The following LARGE1 variants were observed in gnomAD, a reference collection of about 807,000 sequenced individuals.
The protein encoded by LARGE1 is xylosyl- and glucuronyltransferase LARGE1.
LARGE1 carries 43 observed loss-of-function variants against 87.6 expected under a neutral mutation model. The ratio of observed to expected loss-of-function variants is 0.49; its 90% CI spans 0.38 to 0.63. The LOEUF (loss-of-function observed/expected upper bound fraction) is 0.63, where lower values mean the gene tolerates loss of function less well. LARGE1 is among the 30% of genes least tolerant of loss of function. The pLI, the probability that LARGE1 is intolerant of heterozygous loss-of-function variation, is 0.00. For missense variants in LARGE1, 802 were observed against 1,000.2 expected (o/e 0.80, Z 2.67); for synonymous variants, 434 against 394.6 (o/e 1.10, Z -1.18).
intron 6 of LARGE1, among the ~76,000 whole-genome samples, chr22:33,559,771 C>T (rs1186376070): frequency 5.9e-5 from 9 of 152,028 alleles, no homozygotes; most frequent in African/African-American, 1.7e-4. Context: ...ACCCCAACTA[C>T]AGCTACTTAA....
At chr22:33,333,013 CTT>C (rs113084979) in intron 10 of LARGE1, among the ~76,000 whole-genome samples, 4 of 140,484 alleles carry the variant, frequency 2.8e-5, no homozygotes, top group African/African-American at 5.7e-5. Context: ...GGGCAATGTC[CTT>C]TTTTTTTTTT....
At chr22:33,626,372 A>C in intron 3 of LARGE1, 46 bp from the exon 4 acceptor site, 1 of 1,485,844 alleles carries the variant, frequency 6.7e-7, no homozygotes. Context: ...AGACGGAAGG[A>C]GGCCTTCCTG....
At chr22:33,397,304 G>A (rs1399127885) in intron 7 of LARGE1, among the ~76,000 whole-genome samples, 2 of 152,030 alleles carry the variant, frequency 1.3e-5, no homozygotes, top group East Asian at 1.9e-4. Context: ...TAGTAGAGAC[G>A]GGGTTTCTCC....
At chr22:33,921,686 G>A (rs933685948), upstream of LARGE1, among the ~76,000 whole-genome samples, 2 of 151,998 alleles carry the variant, frequency 1.3e-5, no homozygotes, top group African/African-American at 4.8e-5. The surrounding 1 kb of genome is among the most constrained non-coding windows in gnomAD (Gnocchi z 4.1). Context: ...CCCCATGCAC[G>A]CACAACACGC....
rs550042728 is a variant in LARGE1, at chr22:33,579,357, C to T, written c.616-14338G>A. Among the ~76,000 whole-genome samples the T allele has an allele frequency of 1.4e-4, 22 of 152,320 alleles. No individual in the cohort carries two copies. In the South Asian group the frequency reaches 4.1e-3, roughly 29 times the overall value. On this transcript the variant is annotated intron_variant, in intron 5 of 14. Coordinates refer to ENST00000397394, the MANE Select transcript of LARGE1 (RefSeq NM_133642.5). ...CATGATTGTGAGGCATCCCCAGCCA[C>T]GCGGAATTTTAAGTCCAGTTAAATC...
Position 33,599,343 on chromosome 22 carries a change from T to C in LARGE1, c.615+5092A>G, listed in dbSNP as rs540437329. On this transcript the variant is annotated intron_variant, in intron 5 of 14. Transcript: ENST00000397394. ...GAGAGATGAGTGACAGCACGCATCA[T>C]TGACAAAGCTCTACGCAAAAATAAG... is the stretch of plus-strand genomic sequence containing the variant. Among the ~76,000 whole-genome samples the C allele has an allele frequency of 5.9e-5, 9 of 152,110 alleles. No homozygotes were observed. In the South Asian group the frequency reaches 6.2e-4, roughly 11 times the overall value.
chr22:33,193,033 ATTTG>A (rs1257934077), intron 11 of LARGE1, among the ~76,000 whole-genome samples: 2 of 151,380 alleles, frequency 1.3e-5, no homozygotes, highest in Non-Finnish European at 2.9e-5. Context: ...TTTTCATTTT[ATTTG>A]TTTTTATTTT....
At chr22:33,677,872 T>A (rs2081629716) in intron 2 of LARGE1, among the ~76,000 whole-genome samples, 1 of 152,184 alleles carries the variant, frequency 6.6e-6, no homozygotes, top group Admixed American at 6.5e-5. Flanking sequence ...CTTAGTCCAG[T>A]TATGGCCAAA....
At chr22:33,778,901 T>G (rs751811661) in intron 1 of LARGE1, among the ~76,000 whole-genome samples, 62 of 152,182 alleles carry the variant, frequency 4.1e-4, no homozygotes, top group Non-Finnish European at 7.9e-4. Flanking sequence ...TCCACCCGCC[T>G]TGGCCTCCCA....
intron 1 of LARGE1, among the ~76,000 whole-genome samples, chr22:33,767,559 G>A (rs1184970870): frequency 1.3e-5 from 2 of 151,810 alleles, no homozygotes; most frequent in South Asian, 4.2e-4. Context: ...CCCTCCAGGG[G>A]TGGCTAGTTA....
At chr22:33,198,654 C>CACACACAT in intron 11 of LARGE1, among the ~76,000 whole-genome samples, 1 of 146,268 alleles carries the variant, frequency 6.8e-6, no homozygotes, top group African/African-American at 2.7e-5. Context: ...CACACACACA[C>CACACACAT]ACACACACAC....
intron 7 of LARGE1, among the ~76,000 whole-genome samples, chr22:33,389,188 G>A (rs775005511): frequency 6.6e-6 from 1 of 152,234 alleles, no homozygotes; most frequent in Non-Finnish European, 1.5e-5. Context: ...TGGCCAGACA[G>A]TTTCAATAGC....
intron 2 of LARGE1, among the ~76,000 whole-genome samples, chr22:33,738,546 C>T (rs1202693553): frequency 6.6e-6 from 1 of 152,150 alleles, no homozygotes. Flanking sequence ...CCCTCAGCCT[C>T]CTGGTTGGGC....
intron 2 of LARGE1, among the ~76,000 whole-genome samples, chr22:33,722,272 AGAGGGAGAG>A (rs2083124990): frequency 8.0e-6 from 1 of 124,492 alleles, no homozygotes; most frequent in African/African-American, 3.1e-5. Flanking sequence ...GAGAGGAGGG[AGAGGGAGAG>A]GAGGGAGAGG....
intron 1 of LARGE1, among the ~76,000 whole-genome samples, chr22:33,840,524 G>A (rs1348620376): frequency 6.6e-6 from 1 of 152,000 alleles, no homozygotes; most frequent in Non-Finnish European, 1.5e-5. Flanking sequence ...GGTGTGAAAG[G>A]TTCTAGCATC....
intron 3 of LARGE1, among the ~76,000 whole-genome samples, chr22:33,631,338 C>CT (rs2080106129): frequency 6.6e-6 from 1 of 152,172 alleles, no homozygotes; most frequent in African/African-American, 2.4e-5. Context: ...TGGCTCTTAA[C>CT]TTTTTGACTG....
At chr22:33,102,392 T>C in the LARGE1 span, among the ~76,000 whole-genome samples, 772 of 152,218 alleles carry the variant, frequency 5.1e-3, 1 homozygote, top group Non-Finnish European at 8.2e-3. Flanking sequence ...AGGATGCTCT[T>C]GATCTCTTGA....
intron 7 of LARGE1, among the ~76,000 whole-genome samples, chr22:33,422,179 G>A (rs2066716800): frequency 6.6e-6 from 1 of 152,228 alleles, no homozygotes; most frequent in Non-Finnish European, 1.5e-5. Flanking sequence ...CTTCCCAGGA[G>A]TGTCCAGCAC....
rs114192426 is a variant in LARGE1 at position 33,403,502 on chromosome 22, G to A, written c.893-19198C>T. 4.0e-3 allele frequency among the ~76,000 whole-genome samples: 615 copies of A among 152,284 alleles called. 4 individuals carry two copies. Among genetic ancestry groups the A allele is most frequent in the African/African-American group, 0.014 (592 of 41,564 alleles). On this transcript the variant is annotated intron_variant, in intron 7 of 14. Transcript: ENST00000397394. Reference sequence around the variant, plus strand: ...CACGGATGGCTTTGTATTTGGCCACGTGCTGGTTCTGCAGTGTTGTAAACA... The same window carrying A: ...CACGGATGGCTTTGTATTTGGCCACATGCTGGTTCTGCAGTGTTGTAAACA...
Sources: allele counts gnomAD v4.1 joint callset (sites outside exome capture counted in the v4.1 genomes callset), GRCh38; gene constraint gnomAD v4.1.1; non-coding constraint Gnocchi (gnomAD v3.1); transcripts MANE v1.5; gene names NCBI Gene and HGNC (gene_info 2026-07-23, HGNC 2026-07-21).